The following RALGAPA1 variants were observed in gnomAD, a reference collection of about 807,000 sequenced individuals.
RALGAPA1 encodes the protein ral GTPase-activating protein subunit alpha-1.
In RALGAPA1, 52 loss-of-function variants were observed where a neutral mutation model predicts 269.6. The ratio of observed to expected loss-of-function variants is 0.19; its 90% CI spans 0.15 to 0.24. The LOEUF (loss-of-function observed/expected upper bound fraction) is 0.24, where lower values mean the gene tolerates loss of function less well. Ranked by LOEUF, RALGAPA1 falls within the 10% of genes least tolerant of loss-of-function variation. The pLI is 1.00. For synonymous variants in RALGAPA1, 817 were observed against 1,008.3 expected, an observed-to-expected ratio of 0.81 and a Z score of 3.60; for missense variants, 1,917 against 3,013.9, an observed-to-expected ratio of 0.64 and a Z score of 8.52.
rs188644919 is a variant in RALGAPA1 at position 35,538,469 on chromosome 14, G to A, written c.*1245C>T. The A allele has an allele frequency of 1.2e-4, 19 of 152,526 alleles. 1 individual carries two copies. The East Asian group carries it at 1.9e-3, about 15-fold the overall frequency. 9.4% of individuals were successfully genotyped at this position (152,526 alleles called of 1,614,324 possible). A position where few individuals can be genotyped will look rare whatever the true frequency, so the allele number is the denominator to read the frequency against. Reference sequence around the variant, plus strand: ...TGATGATACATAATTTATATTTTACGGTTTGCCAGTATGATGTATTTACAC... The same window carrying A: ...TGATGATACATAATTTATATTTTACAGTTTGCCAGTATGATGTATTTACAC... On this transcript the variant is annotated 3_prime_UTR_variant, in exon 42 of 42. Transcript: ENST00000680220.
At chr14:35,624,634 G>A (rs2022738) in intron 35 of RALGAPA1, among the ~76,000 whole-genome samples, 37,579 of 151,860 alleles carry the variant, frequency 0.25, 5,256 homozygotes, top group Admixed American at 0.34. Context: ...AGGTGAGCAA[G>A]AAACGATGGC....
chr14:35,632,569 A>C (rs1181193176), intron 33 of RALGAPA1, among the ~76,000 whole-genome samples: 1 of 152,232 alleles, frequency 6.6e-6, no homozygotes, highest in Admixed American at 6.5e-5. Flanking sequence ...TAATAAGTAT[A>C]GGTGAAACTA....
intron 31 of RALGAPA1, among the ~76,000 whole-genome samples, chr14:35,639,448 C>A (rs1034560189): frequency 6.6e-6 from 1 of 152,126 alleles, no homozygotes; most frequent in Non-Finnish European, 1.5e-5. Context: ...AACATTTCAT[C>A]CAATGGCTGT....
At chr14:35,735,485 C>G (rs1429609595) in intron 12 of RALGAPA1, among the ~76,000 whole-genome samples, 1 of 152,148 alleles carries the variant, frequency 6.6e-6, no homozygotes, top group Non-Finnish European at 1.5e-5. Context: ...CATATGTTCT[C>G]ACTGATATGT....
Position 35,671,390 on chromosome 14 carries a change from T to C in RALGAPA1, c.5201A>G (p.Asn1734Ser). The C allele has an allele frequency of 1.9e-6, 3 of 1,607,908 alleles. No homozygotes were observed. The highest frequency in any genetic ancestry group is 2.5e-6 in the Non-Finnish European group (3 of 1,177,544). ...GATAAGGAACAGGAAATGACTTACA[T>C]TGAGAAAAGCTGAAGAAGCCACTCT... ...AGRVASSAFL[N>S]APRVEAQVLL... The change falls in exon 26 of 42, where the codon AAT (asparagine) becomes AGT (serine). Residue 1734 changes from asparagine to serine, a missense_variant and splice_region_variant. By Grantham distance (46) the Asn-to-Ser change is conservative. Transcript: ENST00000680220.
chr14:35,656,643 G>C (rs141371013), intron 28 of RALGAPA1, among the ~76,000 whole-genome samples: 166 of 152,232 alleles, frequency 1.1e-3, no homozygotes, highest in African/African-American at 4.0e-3. Flanking sequence ...GCCATGTCCC[G>C]ATACTGATAT....
chr14:35,692,269 A>G lies in RALGAPA1; in HGVS notation c.2408-2266T>C, dbSNP rs1011226894. On this transcript the variant is annotated intron_variant, in intron 17 of 41. Coordinates refer to ENST00000680220, the MANE Select transcript of RALGAPA1 (RefSeq NM_001346249.2). ...CCAAAGGTCAAAATCAAGATTTCAA[A>G]ACATTAAAATCATAAAAACATTATG... Among the ~76,000 whole-genome samples the G allele has an allele frequency of 2.6e-5, 4 of 152,246 alleles. No homozygotes were observed. The East Asian group carries it at 5.8e-4, about 22-fold the overall frequency.
At chr14:35,802,688 C>T (rs1345819520) in intron 1 of RALGAPA1, among the ~76,000 whole-genome samples, 1 of 127,014 alleles carries the variant, frequency 7.9e-6, no homozygotes, top group South Asian at 2.7e-4. Flanking sequence ...AAGAAACTGA[C>T]CTTTAAAAAA....
intron 36 of RALGAPA1, among the ~76,000 whole-genome samples, chr14:35,603,791 A>C (rs2059424845): frequency 6.6e-6 from 1 of 152,140 alleles, no homozygotes; most frequent in Admixed American, 6.5e-5. Flanking sequence ...GAGCTAAAAA[A>C]GTTGATTTCA....
rs1323777998 is a variant in RALGAPA1 at position 35,689,835 on chromosome 14, C to T, written c.2576G>A (p.Gly859Asp). The T allele has an allele frequency of 6.3e-7, 1 of 1,594,976 alleles. No individual in the cohort carries two copies. Among genetic ancestry groups the T allele is most frequent in the Non-Finnish European group, 8.5e-7 (1 of 1,173,472 alleles). ...LEPFTVERAK[G>D]AVPVIDSSSR... is the part of the protein sequence containing the mutation. ...TGAACTGTCAATGACAGGAACTGCA[C>T]CTTTGGCTCGTTCAACAGTGAATGG... is the stretch of plus-strand genomic sequence containing the variant. The change falls in exon 18 of 42, where the codon GGT (glycine) becomes GAT (aspartate). Residue 859 changes from glycine to aspartate, a missense_variant. Physicochemically the swap from Gly to Asp is moderately conservative, Grantham distance 94. This residue lies in a region of RALGAPA1 where 615 missense variants were observed against 790.0 expected (regional missense o/e 0.78). Coordinates refer to ENST00000680220, the MANE Select transcript of RALGAPA1 (RefSeq NM_001346249.2).
intron 39 of RALGAPA1, among the ~76,000 whole-genome samples, chr14:35,557,098 A>G (rs61989597): frequency 1.6e-4 from 23 of 142,510 alleles, no homozygotes; most frequent in Non-Finnish European, 2.5e-4. Context: ...TCCAATATGT[A>G]TGTGTGTGTG....
At chr14:35,693,587 C>T (rs1315023604) in intron 17 of RALGAPA1, among the ~76,000 whole-genome samples, 1 of 151,824 alleles carries the variant, frequency 6.6e-6, no homozygotes, top group Non-Finnish European at 1.5e-5. Flanking sequence ...ACTAACATAC[C>T]TTAGAAATTA....
rs373155996 is a variant in RALGAPA1 at position 35,627,117 on chromosome 14, A to G, written c.6830T>C (p.Ile2277Thr). 36 of 1,554,680 alleles carry G rather than the reference A, an allele frequency of 2.3e-5. No homozygotes were observed. In the African/African-American group the frequency reaches 4.2e-4, roughly 18 times the overall value. The change falls in exon 34 of 42, where the codon ATA (isoleucine) becomes ACA (threonine). Residue 2277 changes from isoleucine to threonine, a missense_variant. Transcript: ENST00000680220. The stretch of plus-strand genomic sequence containing the variant: ...TTTGTCCCAGGAATTCATTCCCAAT[A>G]TACTAAGAAGCAATCTGCAATAATA... ...AFYYCRLLLS[I>T]LGMNSWDKRR...
At chr14:35,545,095 G>A (rs1049472424) in intron 41 of RALGAPA1, among the ~76,000 whole-genome samples, 1 of 152,042 alleles carries the variant, frequency 6.6e-6, no homozygotes, top group African/African-American at 2.4e-5. Flanking sequence ...ACATATTGCA[G>A]GCAACTAATT....
At chr14:35,739,657 T>G (rs1415962788) in intron 11 of RALGAPA1, among the ~76,000 whole-genome samples, 1 of 152,144 alleles carries the variant, frequency 6.6e-6, no homozygotes, top group Non-Finnish European at 1.5e-5. Context: ...AGAAAGAAAC[T>G]TGCGACACCT....
chr14:35,688,515 G>C lies in RALGAPA1; in HGVS notation c.3896C>G (p.Ala1299Gly). The change falls in exon 18 of 42, where the codon GCT (alanine) becomes GGT (glycine). Residue 1299 changes from alanine (A) to glycine (G), a missense_variant. Coordinates refer to ENST00000680220, the MANE Select transcript of RALGAPA1 (RefSeq NM_001346249.2). Reference protein sequence around the residue: ...PQRQNRMPPEAPLRDLYSHVM... With the variant: ...PQRQNRMPPEGPLRDLYSHVM... ...ATGACTGTACAGATCCCTCAGTGGAGCCTCTGGTGGCATTCTGTTCTGCCT... is the reference window on the plus strand; with the variant it reads ...ATGACTGTACAGATCCCTCAGTGGACCCTCTGGTGGCATTCTGTTCTGCCT... The C allele has an allele frequency of 6.5e-7, 1 of 1,536,124 alleles. No individual in the cohort carries two copies. The highest frequency in any genetic ancestry group is 8.7e-7 in the Non-Finnish European group (1 of 1,146,892).
intron 17 of RALGAPA1, among the ~76,000 whole-genome samples, chr14:35,693,441 TA>T (rs2066656594): frequency 6.6e-6 from 1 of 151,816 alleles, no homozygotes. Flanking sequence ...TATTTTAACT[TA>T]AAAAATGAAA....
In RALGAPA1 at chr14:35,750,582, A is replaced by G. The variant is rs749399890; in HGVS notation, c.911T>C (p.Ile304Thr). The G allele has an allele frequency of 3.7e-6, 6 of 1,613,058 alleles. No individual in the cohort carries two copies. Among genetic ancestry groups the G allele is most frequent in the Non-Finnish European group, 4.2e-6 (5 of 1,179,368 alleles). Residue 304 changes from isoleucine to threonine, a missense_variant, in exon 9 of 42, where the codon ATT (isoleucine) becomes ACT (threonine). Ile to Thr is a moderately conservative substitution (Grantham distance 89, BLOSUM62 -1). Around this residue, in one of 11 missense-constraint regions of RALGAPA1, gnomAD observed 462 missense variants for 725.6 expected, o/e 0.64. Transcript: ENST00000680220. ...TKEPFIKARV[I>T]VIRWLVSFWL... is the part of the protein sequence containing the mutation. Reference sequence around the variant, plus strand: ...GAAAGAAACCAGCCAACGAATGACAATAACACGAGCCTTAATGAAAGGCTC... The same window carrying G: ...GAAAGAAACCAGCCAACGAATGACAGTAACACGAGCCTTAATGAAAGGCTC...
intron 31 of RALGAPA1, among the ~76,000 whole-genome samples, chr14:35,638,010 G>A (rs993948104): frequency 3.9e-5 from 6 of 152,126 alleles, no homozygotes; most frequent in African/African-American, 1.4e-4. Flanking sequence ...GACTTTCCCA[G>A]ACAAACAAAA....
Sources: allele counts gnomAD v4.1 joint callset (sites outside exome capture counted in the v4.1 genomes callset), GRCh38; gene constraint gnomAD v4.1.1; regional missense constraint gnomAD v4.1.1; transcripts MANE v1.5; gene names NCBI Gene and HGNC (gene_info 2026-07-23, HGNC 2026-07-21).